The following PRR5L variants were observed in gnomAD, a reference collection of about 807,000 sequenced individuals.
PRR5L encodes proline rich 5 like.
Under a neutral mutation model 36.4 loss-of-function variants are expected in PRR5L, and 21 were observed. The observed-to-expected ratio is 0.58, with a 90% confidence interval of 0.41 to 0.83. The LOEUF is 0.83. Ranked by LOEUF, PRR5L falls within the 40% of genes least tolerant of loss-of-function variation. The pLI is 0.00. For missense variants in PRR5L, 381 were observed against 473.3 expected (o/e 0.80, Z 1.81); for synonymous variants, 188 against 197.0 (o/e 0.95, Z 0.38).
intron 4 of PRR5L, among the ~76,000 whole-genome samples, chr11:36,430,868 A>G (rs984166702): frequency 6.6e-6 from 1 of 152,182 alleles, no homozygotes; most frequent in African/African-American, 2.4e-5. Context: ...TCTGCTCCAT[A>G]TGCTTCTTTT....
intron 1 of PRR5L, among the ~76,000 whole-genome samples, chr11:36,353,675 A>G (rs1176679942): frequency 2.0e-5 from 3 of 152,192 alleles, no homozygotes; most frequent in Non-Finnish European, 4.4e-5. Context: ...CATAAGGAGC[A>G]CACAACCTAT....
At chr11:36,456,746 A>G (rs562997290) in intron 8 of PRR5L, among the ~76,000 whole-genome samples, 5 of 152,274 alleles carry the variant, frequency 3.3e-5, no homozygotes, top group Non-Finnish European at 5.9e-5. Flanking sequence ...AGTACCTAGC[A>G]TATCATGGAT....
chr11:36,305,245 C>T (rs995747002), intron 1 of PRR5L, among the ~76,000 whole-genome samples: 2 of 152,138 alleles, frequency 1.3e-5, no homozygotes, highest in Admixed American at 6.5e-5. Flanking sequence ...ACCTTTGAAA[C>T]ACTATGCTAA....
At chr11:36,364,214 T>A (rs184218281) in intron 1 of PRR5L, among the ~76,000 whole-genome samples, 64 of 152,334 alleles carry the variant, frequency 4.2e-4, no homozygotes, top group Middle Eastern at 3.4e-3. Flanking sequence ...GGAGAATTAA[T>A]GAGTTGACAC....
rs116396290 is a variant in PRR5L at position 36,334,664 on chromosome 11, C to T, written c.-126+38226C>T. On this transcript the variant is annotated intron_variant, in intron 1 of 8. Transcript: ENST00000530639. ...AGGCCTCCTTTTTGTTTTACACTTA[C>T]CTTTTCTATGTAGCACTCCTCACAG... Among the ~76,000 whole-genome samples the T allele has an allele frequency of 3.9e-3, 589 of 152,278 alleles. 6 individuals are homozygous for T. The highest frequency in any genetic ancestry group is 0.013 in the African/African-American group (549 of 41,550).
At chr11:36,298,089 T>C (rs1313571434) in intron 1 of PRR5L, among the ~76,000 whole-genome samples, 1 of 152,178 alleles carries the variant, frequency 6.6e-6, no homozygotes, top group Non-Finnish European at 1.5e-5. Context: ...GCTGGTCCCT[T>C]GAAGCTGGTT....
intron 3 of PRR5L, among the ~76,000 whole-genome samples, chr11:36,410,915 G>A (rs1363514633): frequency 6.6e-6 from 1 of 152,252 alleles, no homozygotes; most frequent in Admixed American, 6.5e-5. Context: ...GACTCTGGAG[G>A]ACCCCTGCTG....
rs1197141304 is a variant in PRR5L at position 36,464,427 on chromosome 11, A to T, written c.*1691A>T. ...TTGTGCTCTTGATGGCTGGGAATTT[A>T]GAAATTTTATTTTAAGAGTTATTTC... On this transcript the variant is annotated 3_prime_UTR_variant, in exon 9 of 9. Coordinates refer to ENST00000530639, the MANE Select transcript of PRR5L (RefSeq NM_001160167.2). 1 of 152,244 alleles carries T rather than the reference A, an allele frequency of 6.6e-6. No individual in the cohort carries two copies. The highest frequency in any genetic ancestry group is 2.4e-5 in the African/African-American group (1 of 41,454). 9.4% of individuals were successfully genotyped at this position (152,244 alleles called of 1,614,324 possible). A position where few individuals can be genotyped will look rare whatever the true frequency, so the allele number is the denominator to read the frequency against.
intron 1 of PRR5L, among the ~76,000 whole-genome samples, chr11:36,312,855 A>G (rs556476798): frequency 9.8e-4 from 149 of 152,330 alleles, no homozygotes; most frequent in African/African-American, 3.4e-3. Flanking sequence ...CCTCTACTTG[A>G]GGTAGAACCA....
chr11:36,407,063 T>C (rs1373662977), intron 3 of PRR5L, among the ~76,000 whole-genome samples: 1 of 152,128 alleles, frequency 6.6e-6, no homozygotes, highest in African/African-American at 2.4e-5. Context: ...TTAATAAAGG[T>C]TTAATAAATA....
intron 1 of PRR5L, among the ~76,000 whole-genome samples, chr11:36,310,147 C>G (rs1022963654): frequency 2.0e-5 from 3 of 152,138 alleles, no homozygotes; most frequent in Non-Finnish European, 4.4e-5. Flanking sequence ...TTTACTCTGT[C>G]CCCAAGGGTA....
chr11:36,337,177 C>G (rs1020608888), intron 1 of PRR5L, among the ~76,000 whole-genome samples: 6 of 152,064 alleles, frequency 3.9e-5, no homozygotes, highest in Non-Finnish European at 7.4e-5. Flanking sequence ...CATGGGTCAT[C>G]CCCCCAAAAT....
chr11:36,397,170 C>T (rs1023041524), intron 1 of PRR5L, among the ~76,000 whole-genome samples: 39 of 150,296 alleles, frequency 2.6e-4, no homozygotes, highest in Non-Finnish European at 5.2e-4. Flanking sequence ...TGGGTTCAAG[C>T]GATTCTCCTG....
At chr11:36,376,675 G>T in intron 1 of PRR5L, 1 of 991,616 alleles carries the variant, frequency 1.0e-6, no homozygotes, top group Non-Finnish European at 1.2e-6. Context: ...TGCGCGACTC[G>T]GGGTGATTCA....
chr11:36,431,944 T>C, intron 5 of PRR5L, 34 bp downstream of exon 5: 2 of 1,575,960 alleles, frequency 1.3e-6, no homozygotes, highest in Non-Finnish European at 1.7e-6. Context: ...GACTGGGGCC[T>C]CTGTGACTCA....
chr11:36,311,597 T>C (rs1451855312), intron 1 of PRR5L, among the ~76,000 whole-genome samples: 1 of 152,234 alleles, frequency 6.6e-6, no homozygotes, highest in Non-Finnish European at 1.5e-5. Context: ...GGTTACCTAG[T>C]TCAAGATGTC....
chr11:36,324,980 TACCAGG>T (rs1246602534), intron 1 of PRR5L, among the ~76,000 whole-genome samples: 1 of 152,228 alleles, frequency 6.6e-6, no homozygotes, highest in Admixed American at 6.5e-5. Flanking sequence ...ATGATGATGT[TACCAGG>T]GGTCCTTGCT....
intron 1 of PRR5L, among the ~76,000 whole-genome samples, chr11:36,322,309 G>T (rs1856620678): frequency 6.6e-6 from 1 of 152,024 alleles, no homozygotes; most frequent in Non-Finnish European, 1.5e-5. Flanking sequence ...GTAATTCAGG[G>T]TATCTACTTT....
chr11:36,383,135 A>G (rs967411609), intron 1 of PRR5L, among the ~76,000 whole-genome samples: 4 of 152,112 alleles, frequency 2.6e-5, no homozygotes, highest in Non-Finnish European at 5.9e-5. Flanking sequence ...TCTACCTCCT[A>G]GGATTGTTGG....
Sources: gnomAD v4.1 joint callset for allele counts (sites outside exome capture counted in the v4.1 genomes callset) on GRCh38, gnomAD v4.1.1 for gene constraint, MANE v1.5 for transcripts, NCBI Gene and HGNC (gene_info 2026-07-23, HGNC 2026-07-21) for gene names.